ESRRG: variants seen among roughly 807,000 people sequenced by gnomAD.
ESRRG encodes the protein estrogen-related receptor gamma.
Under a neutral mutation model 44.0 loss-of-function variants are expected in ESRRG, and 13 were observed. The observed-to-expected ratio is 0.30, with a 90% CI of 0.19 to 0.47. The LOEUF (loss-of-function observed/expected upper bound fraction) is 0.47. ESRRG is among the 20% of genes least tolerant of loss of function. The pLI is 1.00. For missense variants in ESRRG, 395 were observed against 580.6 expected (o/e 0.68, Z 3.29); for synonymous variants, 215 against 214.6 (o/e 1.00, Z -0.02).
chr1:216,932,623 C>A (rs1212017997), intron 2 of ESRRG, among the ~76,000 whole-genome samples: 2 of 151,392 alleles, frequency 1.3e-5, no homozygotes, highest in African/African-American at 2.4e-5. Flanking sequence ...GATCATGGCT[C>A]ACCACAGCCT....
intron 1 of ESRRG, among the ~76,000 whole-genome samples, chr1:216,711,299 A>G (rs531972890): frequency 1.3e-3 from 199 of 152,276 alleles, no homozygotes; most frequent in African/African-American, 4.2e-3. Flanking sequence ...TAGCCAATAA[A>G]GCATCCTCGG....
chr1:217,042,393 CAG>C (rs2084010231), intron 1 of ESRRG, among the ~76,000 whole-genome samples: 1 of 151,778 alleles, frequency 6.6e-6, no homozygotes, highest in African/African-American at 2.4e-5. Flanking sequence ...GACTCAGGCA[CAG>C]AGTGTTGGCT....
At chr1:216,815,032 T>C (rs1464454979) in intron 2 of ESRRG, among the ~76,000 whole-genome samples, 1 of 152,154 alleles carries the variant, frequency 6.6e-6, no homozygotes, top group Non-Finnish European at 1.5e-5. Context: ...AGAATAGGAA[T>C]GTTAAGGGCT....
chr1:216,907,271 C>G (rs182210326), intron 2 of ESRRG, among the ~76,000 whole-genome samples: 1 of 152,152 alleles, frequency 6.6e-6, no homozygotes, highest in Non-Finnish European at 1.5e-5. Flanking sequence ...GACAAAAAAC[C>G]AAAATCCACT....
At chr1:216,788,675 G>C (rs191514442) in intron 2 of ESRRG, among the ~76,000 whole-genome samples, 14 of 152,130 alleles carry the variant, frequency 9.2e-5, no homozygotes, top group Admixed American at 3.3e-4. Flanking sequence ...CATTTTGTAG[G>C]GCTATAGCTG....
At chr1:216,860,030 A>G (rs2096021250) in intron 2 of ESRRG, among the ~76,000 whole-genome samples, 1 of 152,126 alleles carries the variant, frequency 6.6e-6, no homozygotes, top group Non-Finnish European at 1.5e-5. Context: ...TTGGCAGGCC[A>G]AGGTGGACAG....
intron 3 of ESRRG, among the ~76,000 whole-genome samples, chr1:216,636,941 T>C (rs2065412649): frequency 6.6e-6 from 1 of 152,246 alleles, no homozygotes; most frequent in Admixed American, 6.5e-5. Flanking sequence ...TTTTACTTTG[T>C]CACCATTAGT....
intron 2 of ESRRG, among the ~76,000 whole-genome samples, chr1:216,918,800 A>G (rs1392992020): frequency 2.7e-5 from 4 of 149,296 alleles, no homozygotes; most frequent in African/African-American, 9.8e-5. Flanking sequence ...ATTTGAAATC[A>G]GAGAACCTGA....
intron 3 of ESRRG, among the ~76,000 whole-genome samples, chr1:216,629,859 G>A (rs2063819897): frequency 1.3e-5 from 2 of 152,094 alleles, no homozygotes; most frequent in South Asian, 4.1e-4. Context: ...TAAGAGGGGG[G>A]AAATGCCAGT....
At chr1:216,795,583 C>T (rs916102499) in intron 2 of ESRRG, among the ~76,000 whole-genome samples, 7 of 151,804 alleles carry the variant, frequency 4.6e-5, no homozygotes, top group African/African-American at 1.7e-4. Flanking sequence ...TCAAGTGATC[C>T]ACCCGCCTCG....
intron 1 of ESRRG, among the ~76,000 whole-genome samples, chr1:216,989,443 A>G (rs1040882234): frequency 6.6e-6 from 1 of 151,742 alleles, no homozygotes. Context: ...AAAAAAAAAA[A>G]AAAAAAACAC....
At chr1:217,137,083 A>G (rs533033513) in intron 1 of ESRRG, among the ~76,000 whole-genome samples, 1 of 152,260 alleles carries the variant, frequency 6.6e-6, no homozygotes, top group East Asian at 1.9e-4. Context: ...AGGGAGCCGG[A>G]GGACAGTGGT....
chr1:216,979,020 G>A (rs950962122), intron 1 of ESRRG, among the ~76,000 whole-genome samples: 1 of 152,052 alleles, frequency 6.6e-6, no homozygotes, highest in Non-Finnish European at 1.5e-5. Context: ...CCTTAGAGAG[G>A]AGAAGTTTGC....
intron 1 of ESRRG, among the ~76,000 whole-genome samples, chr1:217,017,982 C>T (rs779694541): frequency 6.6e-6 from 1 of 152,180 alleles, no homozygotes; most frequent in Non-Finnish European, 1.5e-5. Flanking sequence ...TCAGATTTTG[C>T]TGCCAAATAA....
intron 5 of ESRRG, among the ~76,000 whole-genome samples, chr1:216,549,849 G>A (rs1400347336): frequency 6.6e-6 from 1 of 152,066 alleles, no homozygotes; most frequent in Non-Finnish European, 1.5e-5. Context: ...GATTGTTTTT[G>A]TTTTTCTTTA....
chr1:216,843,368 G>A (rs11572564), intron 2 of ESRRG, among the ~76,000 whole-genome samples: 5,114 of 152,122 alleles, frequency 0.034, 303 homozygotes, highest in African/African-American at 0.11. Context: ...GAAGTGTTAG[G>A]CAGGTCGGAA....
intron 1 of ESRRG, among the ~76,000 whole-genome samples, chr1:217,055,030 C>A (rs776146275): frequency 6.6e-6 from 1 of 152,088 alleles, no homozygotes; most frequent in Non-Finnish European, 1.5e-5. Context: ...ACTAGGTGTG[C>A]GATCAAGAAA....
chr1:216,789,783 A>T (rs1397013770), intron 2 of ESRRG, among the ~76,000 whole-genome samples: 3 of 152,162 alleles, frequency 2.0e-5, no homozygotes, highest in African/African-American at 7.2e-5. Flanking sequence ...TGGTAGAAAT[A>T]TAAAAGATAA....
At chr1:217,035,637 A>G (rs1035809429) in intron 1 of ESRRG, among the ~76,000 whole-genome samples, 6 of 152,016 alleles carry the variant, frequency 3.9e-5, no homozygotes, top group Admixed American at 6.6e-5. Flanking sequence ...GTTTAATACA[A>G]AAGTCAAAAA....
Sources: allele counts gnomAD v4.1 joint callset (sites outside exome capture counted in the v4.1 genomes callset), GRCh38; gene constraint gnomAD v4.1.1; transcripts MANE v1.5; gene names NCBI Gene and HGNC (gene_info 2026-07-23, HGNC 2026-07-21).